The following PDE6A variants were observed in gnomAD, a reference collection of about 807,000 sequenced individuals.
PDE6A encodes the protein phosphodiesterase 6A, also known as rod cGMP-specific 3',5'-cyclic phosphodiesterase subunit alpha.
A neutral mutation model predicts 106.3 loss-of-function variants in PDE6A; 84 were observed. The ratio of observed to expected loss-of-function variants is 0.79; its 90% confidence interval spans 0.66 to 0.95. The LOEUF is 0.95. PDE6A is among the 40% of genes least tolerant of loss of function. The pLI, the probability that PDE6A is intolerant of heterozygous loss-of-function variation, is 0.00. For missense variants in PDE6A, 1,052 were observed against 1,084.9 expected (o/e 0.97, Z 0.43); for synonymous variants, 394 against 386.6 (o/e 1.02, Z -0.23).
chr5:149,940,334 C>T (rs369198268), intron 1 of PDE6A, among the ~76,000 whole-genome samples: 7 of 152,130 alleles, frequency 4.6e-5, no homozygotes, highest in African/African-American at 1.7e-4. Flanking sequence ...TTGGATGAGT[C>T]CTCCGGAAAG....
chr5:149,934,840 G>A (rs1561786628), intron 1 of PDE6A, 122 bp from the exon 2 acceptor site: 3 of 917,398 alleles, frequency 3.3e-6, no homozygotes, highest in Admixed American at 3.9e-5. Context: ...AACAGGGGCA[G>A]GGAAATCAGA....
At chr5:149,919,487 AAC>A (rs934008767) in intron 5 of PDE6A, among the ~76,000 whole-genome samples, 2 of 152,204 alleles carry the variant, frequency 1.3e-5, no homozygotes, top group African/African-American at 4.8e-5. Flanking sequence ...CAGCCTGGGC[AAC>A]AGAGTGACAG....
At chr5:149,868,334 G>T (rs929368209) in intron 17 of PDE6A, among the ~76,000 whole-genome samples, 176 bp from the exon 18 acceptor site, 1 of 152,202 alleles carries the variant, frequency 6.6e-6, no homozygotes, top group African/African-American at 2.4e-5. Flanking sequence ...AACAGGGTTA[G>T]ATCCTGCCTC....
chr5:149,910,261 C>T (rs1753333648), intron 6 of PDE6A, among the ~76,000 whole-genome samples: 1 of 152,128 alleles, frequency 6.6e-6, no homozygotes, highest in South Asian at 2.1e-4. Context: ...CATGGTATGT[C>T]TTTTTTCAGT....
At chr5:149,903,003 A>C (rs1277335509) in intron 8 of PDE6A, among the ~76,000 whole-genome samples, 1 of 151,852 alleles carries the variant, frequency 6.6e-6, no homozygotes, top group Non-Finnish European at 1.5e-5. Flanking sequence ...TGCTGAGGCC[A>C]GTCAGGCATA....
Position 149,914,976 on chromosome 5 carries a change from A to T in PDE6A, c.965T>A (p.Ile322Asn), listed in dbSNP as rs1286172705. The T allele has an allele frequency of 2.5e-6, 4 of 1,605,920 alleles. No homozygotes were observed. The highest frequency in any genetic ancestry group is 1.7e-4 in the Middle Eastern group (1 of 6,012). Residue 322 changes from isoleucine to asparagine, a missense_variant, in exon 6 of 22, where the codon ATC (isoleucine) becomes AAC (asparagine). Physicochemically the swap from Ile to Asn is moderately radical, Grantham distance 149. This residue lies in a region of PDE6A where 913 missense variants were observed against 915.2 expected (regional missense o/e 1.00). Coordinates refer to ENST00000255266, the MANE Select transcript of PDE6A (RefSeq NM_000440.3). ...EINFYKVIDY[I>N]LHGKEDIKVI... ...TTTGATGTCCTCTTTGCCATGCAGG[A>T]TGTAGTCAATGACCTTGTAAAAGTT...
chr5:149,928,195 C>T (rs1753917020), intron 4 of PDE6A, among the ~76,000 whole-genome samples: 1 of 110,092 alleles, frequency 9.1e-6, no homozygotes, highest in Non-Finnish European at 1.8e-5. Flanking sequence ...TACTACAGCT[C>T]ATAATTGTAT....
intron 7 of PDE6A, among the ~76,000 whole-genome samples, chr5:149,904,424 T>C (rs1753106416): frequency 6.6e-6 from 1 of 152,148 alleles, no homozygotes; most frequent in African/African-American, 2.4e-5. Context: ...AGGGATCAGA[T>C]GACACTTATC....
chr5:149,867,615 A>G lies in PDE6A; in HGVS notation c.2274+110T>C, dbSNP rs938650316. The G allele has an allele frequency of 9.4e-6, 9 of 957,134 alleles. No individual in the cohort carries two copies. The Admixed American group carries it at 1.2e-4, about 12-fold the overall frequency. The allele number at this position is 957,134 out of a possible 1,614,324, so 59.3% of individuals were successfully genotyped here. On this transcript the variant is annotated intron_variant, in intron 19 of 21. Transcript: ENST00000255266. ...TTTTTAGAACCACTGCATTAGGAAA[A>G]GGTCATCTTTATGGTAAAGTCACAC...
chr5:149,884,556 GAGGTTTTGAAAGATATTC>G lies in PDE6A; in HGVS notation c.1932_1949del (p.Ile646_Asn651del). 1.2e-6 allele frequency: 2 copies of G among 1,613,766 alleles called. No homozygotes were observed. Among genetic ancestry groups the G allele is most frequent in the Non-Finnish European group, 1.7e-6 (2 of 1,179,764 alleles). On this transcript the variant is annotated inframe_deletion, in exon 16 of 22. Coordinates refer to ENST00000255266, the MANE Select transcript of PDE6A (RefSeq NM_000440.3). ...TGGCATGCTCATGCTGTCGACGATT[GAGGTTTTGAAAGATATTC>G]AGGCTCTAAAGAAAAAAAGAGAAGC... is the stretch of plus-strand genomic sequence containing the variant.
At chr5:149,915,154 C>A in intron 5 of PDE6A, 147 bp from the exon 6 acceptor site, 1 of 587,382 alleles carries the variant, frequency 1.7e-6, no homozygotes, top group Non-Finnish European at 3.0e-6. Context: ...TCTGCCTCAG[C>A]CTCCCGAGTA....
chr5:149,938,178 A>G (rs923724331), intron 1 of PDE6A, among the ~76,000 whole-genome samples: 2 of 152,192 alleles, frequency 1.3e-5, no homozygotes, highest in Non-Finnish European at 2.9e-5. Flanking sequence ...AGTGGCTTCA[A>G]GGGCCACTCA....
At chr5:149,875,485 C>T (rs1261618529) in intron 17 of PDE6A, among the ~76,000 whole-genome samples, 7 of 148,280 alleles carry the variant, frequency 4.7e-5, no homozygotes, top group South Asian at 2.1e-4. Flanking sequence ...TACATACTGA[C>T]TATTTTTTTT....
chr5:149,935,410 T>C (rs1210399931), intron 1 of PDE6A, among the ~76,000 whole-genome samples: 1 of 152,220 alleles, frequency 6.6e-6, no homozygotes, highest in Non-Finnish European at 1.5e-5. Flanking sequence ...AATCCAGTTC[T>C]AGCACCACAC....
At chr5:149,923,507 ACATAACATAAC>A (rs1753782553) in intron 4 of PDE6A, among the ~76,000 whole-genome samples, 1 of 146 alleles carries the variant, frequency 6.8e-3, no homozygotes, top group Non-Finnish European at 0.029. Context: ...CAAATAAATA[ACATAACATAAC>A]ATAACATAAC....
At chr5:149,890,092 A>T (rs538838491) in intron 13 of PDE6A, among the ~76,000 whole-genome samples, 45 of 151,200 alleles carry the variant, frequency 3.0e-4, no homozygotes, top group African/African-American at 1.1e-3. Context: ...AGTAGCCGGG[A>T]TTACAGACAC....
At chr5:149,904,030 C>G (rs1753087416) in intron 7 of PDE6A, among the ~76,000 whole-genome samples, 1 of 152,146 alleles carries the variant, frequency 6.6e-6, no homozygotes, top group Non-Finnish European at 1.5e-5. Context: ...TATCCATGGT[C>G]TTTAAGTTAA....
intron 4 of PDE6A, among the ~76,000 whole-genome samples, chr5:149,924,484 G>T (rs1048972827): frequency 6.6e-6 from 1 of 150,880 alleles, no homozygotes; most frequent in Non-Finnish European, 1.5e-5. Flanking sequence ...AGAATATTTA[G>T]AAATAATTTT....
chr5:149,863,271 A>G lies in PDE6A; in HGVS notation c.2359-5T>C, dbSNP rs745738530. ...CTCGTGGAAACGGGAGAATTCCTAG[A>G]AGAGAGAGTATGTGCCTCTGGTGCA... On this transcript the variant is annotated splice_polypyrimidine_tract_variant and splice_region_variant and intron_variant, in intron 20 of 21. Coordinates refer to ENST00000255266, the MANE Select transcript of PDE6A (RefSeq NM_000440.3). The surrounding 1 kb of genome is among the most constrained non-coding windows in gnomAD (Gnocchi z 4.7). The G allele has an allele frequency of 3.1e-6, 5 of 1,614,136 alleles. No homozygotes were observed. The highest frequency in any genetic ancestry group is 4.2e-6 in the Non-Finnish European group (5 of 1,180,010).
Sources: allele counts gnomAD v4.1 joint callset (sites outside exome capture counted in the v4.1 genomes callset), GRCh38; gene constraint gnomAD v4.1.1; regional missense constraint gnomAD v4.1.1; non-coding constraint Gnocchi (gnomAD v3.1); transcripts MANE v1.5; gene names NCBI Gene and HGNC (gene_info 2026-07-23, HGNC 2026-07-21).